The following NFIB variants were observed in gnomAD, a reference collection of about 807,000 sequenced individuals.
NFIB encodes the protein nuclear factor I B.
Under a neutral mutation model 61.5 loss-of-function variants are expected in NFIB, and 11 were observed. The ratio of observed to expected loss-of-function variants is 0.18; its 90% CI spans 0.11 to 0.30. The LOEUF (loss-of-function observed/expected upper bound fraction) is 0.30. Among genes scored for constraint, NFIB ranks in the 10% least tolerant of loss-of-function variants. The probability of loss-of-function intolerance (pLI) is 1.00; values close to 1 mark genes in which losing one functional copy is unlikely to be tolerated. For synonymous variants in NFIB, 260 were observed against 216.5 expected (o/e 1.20, Z -1.76); for missense variants, 471 against 608.9 (o/e 0.77, Z 2.38).
chr9:14,340,564 A>C (rs531833776), intron 1 of NFIB, among the ~76,000 whole-genome samples: 1 of 152,324 alleles, frequency 6.6e-6, no homozygotes, highest in Non-Finnish European at 1.5e-5. Flanking sequence ...AGACTCCTAA[A>C]CTGAGAAGTT....
chr9:14,218,394 A>T (rs1276340134), intron 2 of NFIB, among the ~76,000 whole-genome samples: 3 of 152,136 alleles, frequency 2.0e-5, no homozygotes, highest in African/African-American at 7.2e-5. Context: ...GCACCAATAA[A>T]ACCCAGATTC....
intron 4 of NFIB, 25 bp from the exon 5 acceptor site, chr9:14,150,290 T>G: frequency 6.2e-7 from 1 of 1,612,768 alleles, no homozygotes; most frequent in Non-Finnish European, 8.5e-7. Context: ...AAAGAAGCAC[T>G]GGGAATGACA....
At chr9:14,171,725 TG>T (rs2045584162) in intron 3 of NFIB, among the ~76,000 whole-genome samples, 2 of 152,222 alleles carry the variant, frequency 1.3e-5, no homozygotes, top group South Asian at 4.1e-4. Context: ...AACCCAAGTC[TG>T]GTAAAATAAA....
intron 2 of NFIB, among the ~76,000 whole-genome samples, chr9:14,194,291 A>G (rs999960113): frequency 2.0e-5 from 3 of 152,202 alleles, no homozygotes; most frequent in Admixed American, 1.3e-4. Context: ...ACTTTCCCCA[A>G]TGAGAAACTT....
chr9:14,196,584 C>T (rs1303217134), intron 2 of NFIB, among the ~76,000 whole-genome samples: 1 of 151,704 alleles, frequency 6.6e-6, no homozygotes, highest in Admixed American at 6.6e-5. Context: ...TTAGGAGCAT[C>T]AAGTTAATTG....
At chr9:14,470,512 A>G in the NFIB span, among the ~76,000 whole-genome samples, 1 of 152,174 alleles carries the variant, frequency 6.6e-6, no homozygotes, top group Non-Finnish European at 1.5e-5. Context: ...GATGAACTCC[A>G]TAAGGGCCAG....
rs544325961 is a variant in NFIB at position 14,325,861 on chromosome 9, T to C, written c.109-18341A>G. 3.9e-5 allele frequency among the ~76,000 whole-genome samples: 6 copies of C among 152,212 alleles called. No individual in the cohort carries two copies. In the East Asian group the frequency reaches 1.2e-3, roughly 29 times the overall value. ...TAGAATTTAAAAAATACATAATGTA[T>C]TTTTGAATATGAACATATAAACACA... On this transcript the variant is annotated intron_variant, in intron 1 of 8. Transcript: ENST00000380934.
intron 1 of NFIB, among the ~76,000 whole-genome samples, chr9:14,395,727 T>A (rs1807428): frequency 3.8e-5 from 2 of 53,152 alleles, no homozygotes; most frequent in Admixed American, 1.5e-4. Flanking sequence ...TTCTTTTGAC[T>A]TTTTTTTTTT....
chr9:14,294,672 G>A (rs1315561998), intron 2 of NFIB, among the ~76,000 whole-genome samples: 1 of 152,118 alleles, frequency 6.6e-6, no homozygotes, highest in East Asian at 1.9e-4. Flanking sequence ...CCTGCTTTCC[G>A]TACACCCTAG....
intron 1 of NFIB, among the ~76,000 whole-genome samples, chr9:14,309,659 C>T (rs1446886891): frequency 6.6e-6 from 1 of 152,244 alleles, no homozygotes; most frequent in Non-Finnish European, 1.5e-5. Context: ...ACCTCCCTAT[C>T]TCCATACACT....
At chr9:14,420,386 C>T in the NFIB span, among the ~76,000 whole-genome samples, 11 of 128,654 alleles carry the variant, frequency 8.6e-5, no homozygotes, top group South Asian at 5.0e-4. Flanking sequence ...GTGGAGGTTC[C>T]GGTGAACTAA....
chr9:14,245,740 A>G (rs1033769446), intron 2 of NFIB, among the ~76,000 whole-genome samples: 7 of 151,964 alleles, frequency 4.6e-5, no homozygotes, highest in African/African-American at 1.4e-4. Flanking sequence ...GGGCGTTGTA[A>G]TGCACATCTG....
chr9:14,089,124 A>G (rs769576408), intron 10 of NFIB, among the ~76,000 whole-genome samples: 9 of 152,096 alleles, frequency 5.9e-5, no homozygotes, highest in Non-Finnish European at 1.3e-4. Flanking sequence ...ACTTACTTTT[A>G]GAGAGAGCCA....
At chr9:14,234,861 C>T (rs530547095) in intron 2 of NFIB, among the ~76,000 whole-genome samples, 1 of 149,156 alleles carries the variant, frequency 6.7e-6, no homozygotes, top group South Asian at 2.1e-4. Context: ...AAACCAGATC[C>T]AAGAGGATCA....
chr9:14,248,897 G>T (rs1008146840), intron 2 of NFIB, among the ~76,000 whole-genome samples: 1 of 152,166 alleles, frequency 6.6e-6, no homozygotes, highest in Non-Finnish European at 1.5e-5. Context: ...AGGGAACAAA[G>T]AGAATGGCAT....
chr9:14,198,723 G>A lies in NFIB; in HGVS notation c.563-18943C>T, dbSNP rs192127573. 3.2e-3 allele frequency among the ~76,000 whole-genome samples: 487 copies of A among 152,258 alleles called. 2 individuals are homozygous for A. The highest frequency in any genetic ancestry group is 6.8e-3 in the Middle Eastern group (2 of 294). On this transcript the variant is annotated intron_variant, in intron 2 of 10. Transcript: ENST00000380953. ...TCAACAAGCACCCCAGGTAACTCCC[G>A]CACATTGTTCTCAGCCAGTGTACAA...
chr9:14,190,052 A>T (rs990241618), intron 2 of NFIB, among the ~76,000 whole-genome samples: 4 of 152,214 alleles, frequency 2.6e-5, no homozygotes, highest in South Asian at 4.2e-4. Context: ...GTTCCTAAAA[A>T]ATTTTTTAAA....
intron 2 of NFIB, among the ~76,000 whole-genome samples, chr9:14,195,191 T>A (rs1587498433): frequency 6.6e-6 from 1 of 152,038 alleles, no homozygotes; most frequent in East Asian, 1.9e-4. Context: ...AACAAAAAAC[T>A]TTTGGTAGAA....
the NFIB span, among the ~76,000 whole-genome samples, chr9:14,439,683 G>C: frequency 6.6e-6 from 1 of 152,182 alleles, no homozygotes; most frequent in African/African-American, 2.4e-5. Flanking sequence ...CTGTTTATGA[G>C]AAGTGGTCAG....
Sources: gnomAD v4.1 joint callset for allele counts (sites outside exome capture counted in the v4.1 genomes callset) on GRCh38, gnomAD v4.1.1 for gene constraint, MANE v1.5 for transcripts, NCBI Gene and HGNC (gene_info 2026-07-23, HGNC 2026-07-21) for gene names.